LRBA: variants seen among roughly 807,000 people sequenced by gnomAD.
LRBA encodes the protein lipopolysaccharide-responsive and beige-like anchor protein.
LRBA carries 176 observed loss-of-function variants against 330.0 expected under a neutral mutation model. The ratio of observed to expected loss-of-function variants is 0.53; its 90% CI spans 0.47 to 0.60. The LOEUF (loss-of-function observed/expected upper bound fraction) is 0.60, where lower values mean the gene tolerates loss of function less well. Among genes scored for constraint, LRBA ranks in the 20% least tolerant of loss-of-function variants. LRBA has a pLI of 0.00. For synonymous variants in LRBA, 1,230 were observed against 1,193.0 expected, an observed-to-expected ratio of 1.03 and a Z score of -0.64; for missense variants, 3,259 against 3,444.8, an observed-to-expected ratio of 0.95 and a Z score of 1.35.
chr4:150,705,182 C>A (rs1369772803), intron 36 of LRBA, among the ~76,000 whole-genome samples: 2 of 152,070 alleles, frequency 1.3e-5, no homozygotes, highest in Non-Finnish European at 2.9e-5. Flanking sequence ...AGCCGGTAAC[C>A]GTCTAGAATG....
chr4:150,489,178 TATATA>T (rs1401898536), intron 41 of LRBA, among the ~76,000 whole-genome samples: 4 of 24,448 alleles, frequency 1.6e-4, no homozygotes, highest in Middle Eastern at 0.038. Flanking sequence ...TATATATAAG[TATATA>T]ATATATTATA....
At chr4:150,990,266 AACAT>A (rs1741922936) in intron 2 of LRBA, among the ~76,000 whole-genome samples, 1 of 152,202 alleles carries the variant, frequency 6.6e-6, no homozygotes, top group Admixed American at 6.5e-5. Flanking sequence ...ACCTGAATTT[AACAT>A]ACAACTTAGA....
intron 28 of LRBA, among the ~76,000 whole-genome samples, chr4:150,839,510 G>T (rs577517235): frequency 2.1e-3 from 317 of 152,282 alleles, no homozygotes; most frequent in Non-Finnish European, 3.0e-3. Flanking sequence ...ATGATAGACT[G>T]GATTAAGAAA....
At chr4:150,800,407 C>T (rs539373761) in intron 33 of LRBA, among the ~76,000 whole-genome samples, 1 of 152,278 alleles carries the variant, frequency 6.6e-6, no homozygotes, top group African/African-American at 2.4e-5. Context: ...ACAAAAATAA[C>T]ATTGGGAGCA....
At chr4:150,501,422 G>A (rs1353465645) in intron 40 of LRBA, among the ~76,000 whole-genome samples, 1 of 152,070 alleles carries the variant, frequency 6.6e-6, no homozygotes, top group Non-Finnish European at 1.5e-5. Context: ...GATCAGCTGG[G>A]CAACACAGCA....
chr4:150,906,229 GC>G, intron 12 of LRBA, 67 bp downstream of exon 12: 1 of 993,520 alleles, frequency 1.0e-6, no homozygotes, highest in East Asian at 2.4e-5. Context: ...GAATTCCTTA[GC>G]CACTTAGAGA....
chr4:150,983,098 A>C (rs1438995233), intron 2 of LRBA, among the ~76,000 whole-genome samples: 1 of 152,108 alleles, frequency 6.6e-6, no homozygotes, highest in Non-Finnish European at 1.5e-5. Context: ...AAACAAAAAG[A>C]AAAAGAAAAA....
intron 38 of LRBA, among the ~76,000 whole-genome samples, chr4:150,592,249 A>AAT (rs748733631): frequency 1.5e-4 from 22 of 146,864 alleles, no homozygotes; most frequent in East Asian, 8.0e-4. Flanking sequence ...TAACACGACT[A>AAT]ATATATATAT....
chr4:150,569,542 C>T (rs562342072), intron 40 of LRBA, among the ~76,000 whole-genome samples: 8 of 152,100 alleles, frequency 5.3e-5, no homozygotes, highest in Non-Finnish European at 8.8e-5. Flanking sequence ...CCAGACTGGA[C>T]GGTTCATTAG....
intron 2 of LRBA, among the ~76,000 whole-genome samples, chr4:150,975,666 A>C (rs1740083692): frequency 6.6e-6 from 1 of 152,130 alleles, no homozygotes; most frequent in Admixed American, 6.5e-5. Context: ...TTATTTAAGA[A>C]GTAAAAACCT....
At chr4:150,804,215 T>C (rs1049623221) in intron 33 of LRBA, among the ~76,000 whole-genome samples, 1 of 152,208 alleles carries the variant, frequency 6.6e-6, no homozygotes, top group African/African-American at 2.4e-5. Flanking sequence ...AAATAAATTA[T>C]ATCCTTCAAT....
rs139239172 is a variant in LRBA, at chr4:150,501,904, T to G, written c.6331-10869A>C. 6.1e-3 allele frequency among the ~76,000 whole-genome samples: 930 copies of G among 152,278 alleles called. 9 individuals are homozygous for G. Among genetic ancestry groups the G allele is most frequent in the African/African-American group, 0.017 (719 of 41,548 alleles). On this transcript the variant is annotated intron_variant, in intron 40 of 56. Transcript: ENST00000651943. ...AAACAGGAAACAAAATTGTGACACC[T>G]ATTAATGCCCAAGCACACCATCTGG...
At chr4:150,728,592 T>G (rs1419461219) in intron 36 of LRBA, among the ~76,000 whole-genome samples, 1 of 148,892 alleles carries the variant, frequency 6.7e-6, no homozygotes, top group African/African-American at 2.5e-5. Context: ...GAATGAAGGA[T>G]AAAAAAATGA....
In LRBA at chr4:150,683,538, G is replaced by A. The variant is rs778790453; in HGVS notation, c.5921+13C>T. The stretch of plus-strand genomic sequence containing the variant: ...AGAAAATCAGTGGCCAAATCCTAAA[G>A]GTATCCCTTTACCTCACTGCAGAAT... On this transcript the variant is annotated intron_variant, in intron 37 of 56. Transcript: ENST00000651943. 1.1e-5 allele frequency: 17 copies of A among 1,609,952 alleles called. No individual in the cohort carries two copies. In the Admixed American group the frequency reaches 1.7e-4, roughly 16 times the overall value.
chr4:150,739,503 C>A (rs908315561), intron 35 of LRBA, among the ~76,000 whole-genome samples: 3 of 152,314 alleles, frequency 2.0e-5, no homozygotes, highest in Non-Finnish European at 2.9e-5. Flanking sequence ...AAGCTGACCA[C>A]TGACTTTCCT....
chr4:150,350,412 A>C (rs1736979799), intron 47 of LRBA, among the ~76,000 whole-genome samples: 1 of 152,162 alleles, frequency 6.6e-6, no homozygotes, highest in African/African-American at 2.4e-5. Context: ...TCTACTAAAA[A>C]TACAAAAATT....
chr4:150,903,279 G>A (rs577083869), intron 13 of LRBA, among the ~76,000 whole-genome samples: 1 of 152,288 alleles, frequency 6.6e-6, no homozygotes, highest in Admixed American at 6.5e-5. Context: ...CAGCTACTCA[G>A]GAGGCTGAGG....
intron 36 of LRBA, among the ~76,000 whole-genome samples, chr4:150,715,110 G>A (rs150774426): frequency 4.1e-4 from 62 of 152,206 alleles, no homozygotes; most frequent in African/African-American, 1.4e-3. Context: ...CATCAGAACC[G>A]TTGCCTCACT....
intron 28 of LRBA, among the ~76,000 whole-genome samples, chr4:150,836,540 A>C (rs530177864): frequency 1.3e-5 from 2 of 151,360 alleles, no homozygotes; most frequent in Admixed American, 6.6e-5. Context: ...GAGGGTGTCC[A>C]GGAATTTATC....
Sources: allele counts gnomAD v4.1 joint callset (sites outside exome capture counted in the v4.1 genomes callset), GRCh38; gene constraint gnomAD v4.1.1; transcripts MANE v1.5; gene names NCBI Gene and HGNC (gene_info 2026-07-23, HGNC 2026-07-21).